Variants in ACSM6 observed in about 807,000 individuals in gnomAD.
ACSM6 encodes the protein acyl-CoA synthetase medium chain family member 6, also known as acyl-coenzyme A synthetase ACSM6, mitochondrial.
Under a neutral mutation model 51.1 loss-of-function variants are expected in ACSM6, and 35 were observed. The ratio of observed to expected loss-of-function variants is 0.69; its 90% CI spans 0.52 to 0.91. The LOEUF (loss-of-function observed/expected upper bound fraction) is 0.91, where lower values mean the gene tolerates loss of function less well. Ranked by LOEUF, ACSM6 falls within the 40% of genes least tolerant of loss-of-function variation. ACSM6 has a pLI of 0.00. For synonymous variants in ACSM6, 172 were observed against 207.3 expected (o/e 0.83, Z 1.46); for missense variants, 509 against 584.1 (o/e 0.87, Z 1.32).
At chr10:95,198,885 C>T (rs879889286) in intron 2 of ACSM6, among the ~76,000 whole-genome samples, 2 of 152,132 alleles carry the variant, frequency 1.3e-5, no homozygotes, top group Non-Finnish European at 2.9e-5. Context: ...ATTCCATGCT[C>T]ACGGGTAGGA....
At chr10:95,218,591 T>C (rs1352712893) in intron 8 of ACSM6, among the ~76,000 whole-genome samples, 1 of 152,210 alleles carries the variant, frequency 6.6e-6, no homozygotes, top group African/African-American at 2.4e-5. Context: ...TCACCACTCC[T>C]TCAGACAAGA....
At chr10:95,215,135 TAAGACA>T (rs1213008600) in intron 8 of ACSM6, among the ~76,000 whole-genome samples, 160 bp downstream of exon 8, 2 of 152,184 alleles carry the variant, frequency 1.3e-5, no homozygotes, top group South Asian at 4.1e-4. Flanking sequence ...TCTTCCATGA[TAAGACA>T]AAGAATTACA....
intron 8 of ACSM6, among the ~76,000 whole-genome samples, chr10:95,219,593 T>G (rs965596949): frequency 2.0e-5 from 3 of 152,208 alleles, no homozygotes; most frequent in Non-Finnish European, 4.4e-5. Flanking sequence ...CCTTCTTTTT[T>G]CCTTGAATTT....
intron 10 of ACSM6, among the ~76,000 whole-genome samples, chr10:95,226,973 A>T (rs2035045453): frequency 6.7e-6 from 1 of 149,152 alleles, no homozygotes; most frequent in Non-Finnish European, 1.5e-5. Flanking sequence ...GGGATCAGTA[A>T]ATCTTATATG....
chr10:95,194,908 C>G (rs1302807379), intron 2 of ACSM6, among the ~76,000 whole-genome samples: 1 of 152,162 alleles, frequency 6.6e-6, no homozygotes, highest in Non-Finnish European at 1.5e-5. Flanking sequence ...AGTTATTTGC[C>G]TTCTAGGACC....
In ACSM6 at chr10:95,197,487, G is replaced by GT. The variant is rs574247927; in HGVS notation, c.192+2811dup. Among the ~76,000 whole-genome samples, 511 of 151,880 alleles carry GT rather than the reference G, an allele frequency of 3.4e-3. 2 individuals are homozygous for GT. The highest frequency in any genetic ancestry group is 7.9e-3 in the South Asian group (38 of 4,784). ...GCAATAGAATCTATGTCATAATTAA[G>GT]TCAAGGGAAGGTACTATGCCTGGAT... On this transcript the variant is annotated intron_variant, in intron 2 of 10. Transcript: ENST00000341686.
intron 8 of ACSM6, among the ~76,000 whole-genome samples, chr10:95,217,076 G>A (rs1161123535): frequency 6.6e-6 from 1 of 152,230 alleles, no homozygotes; most frequent in African/African-American, 2.4e-5. Flanking sequence ...TGGGCCAGGA[G>A]CAGTGGCTCA....
In ACSM6 at chr10:95,202,190, G is replaced by A. The variant is rs745542005; in HGVS notation, c.398G>A (p.Arg133His). Reference sequence around the variant, plus strand: ...TACTGGATCTGCCTGGCCTGTGTGCGCTTGGGTGAGGCATGGGAGACGGAC... The same window carrying A: ...TACTGGATCTGCCTGGCCTGTGTGCACTTGGGTGAGGCATGGGAGACGGAC... The change falls in exon 3 of 11, where the codon CGC becomes CAC. Residue 133 changes from arginine (R) to histidine (H), a missense_variant. By Grantham distance (29) the Arg-to-His change is conservative (BLOSUM62 0). Coordinates refer to ENST00000341686, the Ensembl canonical transcript of ACSM6. The A allele has an allele frequency of 1.0e-5, 16 of 1,551,698 alleles. No individual in the cohort carries two copies. The highest frequency in any genetic ancestry group is 5.9e-5 in the Admixed American group (3 of 50,980).
chr10:95,196,884 T>A (rs1232542886), intron 2 of ACSM6, among the ~76,000 whole-genome samples: 1 of 152,240 alleles, frequency 6.6e-6, no homozygotes, highest in Non-Finnish European at 1.5e-5. Context: ...CAAGATGTAT[T>A]TATTCTTTAT....
intron 3 of ACSM6, among the ~76,000 whole-genome samples, chr10:95,206,416 T>G (rs1014023831): frequency 6.6e-6 from 1 of 152,198 alleles, no homozygotes; most frequent in Non-Finnish European, 1.5e-5. Flanking sequence ...TGATAGATAT[T>G]TAGGTTGTTT....
chr10:95,200,615 G>GAGAAGGAGAAGGAGAAGGAGA (rs144423976), intron 2 of ACSM6, among the ~76,000 whole-genome samples: 12 of 148,436 alleles, frequency 8.1e-5, no homozygotes, highest in African/African-American at 3.0e-4. Context: ...GAAGGAGAAG[G>GAGAAGGAGAAGGAGAAGGAGA]AGAAGAAGAA....
At chr10:95,228,248 G>C (rs17452671) in intron 10 of ACSM6, 12,294 of 157,536 alleles carry the variant, frequency 0.078, 617 homozygotes, top group Middle Eastern at 0.14. Context: ...GAAAATTAAA[G>C]GCACAATTCA....
intron 8 of ACSM6, among the ~76,000 whole-genome samples, chr10:95,217,346 C>CA (rs71986766): frequency 0.45 from 62,179 of 138,090 alleles, 14,181 homozygotes; most frequent in Non-Finnish European, 0.51. Flanking sequence ...GACTCCATCT[C>CA]AAAAAAAAAA....
chr10:95,207,181 G>A (rs763244848), intron 3 of ACSM6, 27 bp from the exon 4 acceptor site: 2 of 1,586,662 alleles, frequency 1.3e-6, no homozygotes, highest in East Asian at 2.2e-5. Flanking sequence ...AGATAAAAAT[G>A]AAGCCTTCTT....
intron 5 of ACSM6, among the ~76,000 whole-genome samples, chr10:95,211,197 T>A (rs1048468842): frequency 6.6e-6 from 1 of 152,218 alleles, no homozygotes; most frequent in Non-Finnish European, 1.5e-5. Context: ...GCCTCTAAGA[T>A]GAAAATCACA....
chr10:95,198,648 CAAA>C (rs11357937), intron 2 of ACSM6, among the ~76,000 whole-genome samples: 16 of 138,366 alleles, frequency 1.2e-4, no homozygotes, highest in Admixed American at 1.4e-4. Context: ...AAGACTGTCT[CAAA>C]AAAAAAAAAA....
intron 9 of ACSM6, 118 bp from the exon 10 acceptor site, chr10:95,225,172 A>G: frequency 1.3e-6 from 1 of 742,990 alleles, no homozygotes; most frequent in Non-Finnish European, 2.2e-6. Flanking sequence ...ACACCAACCA[A>G]GCACTTTCCT....
chr10:95,223,933 A>T (rs999200818), intron 9 of ACSM6, among the ~76,000 whole-genome samples: 6 of 152,240 alleles, frequency 3.9e-5, no homozygotes, highest in Non-Finnish European at 7.3e-5. Flanking sequence ...AGAGCTAAAA[A>T]TTGAGGTCAT....
At chr10:95,218,254 A>G (rs2034964359) in intron 8 of ACSM6, among the ~76,000 whole-genome samples, 1 of 152,238 alleles carries the variant, frequency 6.6e-6, no homozygotes, top group South Asian at 2.1e-4. Flanking sequence ...ATGGGAGAAA[A>G]TGTACATCTT....
Sources: allele counts gnomAD v4.1 joint callset (sites outside exome capture counted in the v4.1 genomes callset), GRCh38; gene constraint gnomAD v4.1.1; transcripts MANE v1.5; gene names NCBI Gene and HGNC (gene_info 2026-07-23, HGNC 2026-07-21).